ESYT2: variants seen among roughly 807,000 people sequenced by gnomAD.
ESYT2 encodes extended synaptotagmin 2.
Under a neutral mutation model 107.2 loss-of-function variants are expected in ESYT2, and 54 were observed. The ratio of observed to expected loss-of-function variants is 0.50; its 90% CI spans 0.40 to 0.63. ESYT2 has a LOEUF of 0.63. Ranked by LOEUF, ESYT2 falls within the 30% of genes least tolerant of loss-of-function variation. ESYT2 has a pLI of 0.00. For synonymous variants in ESYT2, 491 were observed against 434.1 expected (o/e 1.13, Z -1.63); for missense variants, 1,020 against 1,094.5 (o/e 0.93, Z 0.96).
At chr7:158,808,331 G>A (rs954889095) in intron 1 of ESYT2, among the ~76,000 whole-genome samples, 9 of 152,238 alleles carry the variant, frequency 5.9e-5, no homozygotes, top group South Asian at 2.1e-4. Context: ...CGTTCGCGCC[G>A]AGCATGCTCC....
At chr7:158,788,242 C>CA in intron 5 of ESYT2, 103 bp downstream of exon 5, 4 of 1,270,774 alleles carry the variant, frequency 3.1e-6, no homozygotes, top group South Asian at 1.4e-5. Flanking sequence ...AACTGAACGT[C>CA]AAAAAAATTC....
At chr7:158,770,399 A>G (rs1255472543) in intron 7 of ESYT2, among the ~76,000 whole-genome samples, 2 of 151,480 alleles carry the variant, frequency 1.3e-5, no homozygotes, top group African/African-American at 2.4e-5. Context: ...CTTAGAAAAG[A>G]TATTTTTACA....
At chr7:158,816,002 C>T (rs1050378323) in intron 1 of ESYT2, among the ~76,000 whole-genome samples, 5 of 152,138 alleles carry the variant, frequency 3.3e-5, no homozygotes, top group African/African-American at 1.2e-4. Context: ...TGGTCACGTC[C>T]TAATCCCTGG....
In ESYT2 at chr7:158,754,197, G is replaced by GT. The variant is rs869261238; in HGVS notation, c.1420-1355dup. 2.7e-5 allele frequency among the ~76,000 whole-genome samples: 4 copies of GT among 149,634 alleles called. No individual in the cohort carries two copies. The South Asian group carries it at 6.2e-4, about 23-fold the overall frequency. ...GGGAGCCACCTGTGTTTTTTGTTTT[G>GT]TTTTTATTTATTTATTATTTATATT... On this transcript the variant is annotated intron_variant, in intron 13 of 22. Coordinates refer to ENST00000275418, the MANE Select transcript of ESYT2 (RefSeq NM_001367773.1).
Position 158,788,047 on chromosome 7 carries a change from A to AT in ESYT2, c.703dup (p.Met235AsnfsTer13). On this transcript the variant is annotated frameshift_variant, in exon 6 of 23. Transcript: ENST00000275418. LOFTEE classifies it high-confidence loss of function. ...GATAGACAAAGCTCCAACTAAGGGC[A>AT]TATCTCCAATCAACGGTTCCAGGAT... 1 of 1,614,180 alleles carries AT rather than the reference A, an allele frequency of 6.2e-7. No individual in the cohort carries two copies.
intron 20 of ESYT2, 68 bp downstream of exon 20, chr7:158,736,980 C>T: frequency 1.3e-6 from 2 of 1,586,084 alleles, no homozygotes. Flanking sequence ...TCAAAGGCAC[C>T]ATTTAGGGCC....
Position 158,764,790 on chromosome 7 carries a change from C to T in ESYT2, c.988G>A (p.Gly330Arg). 6.2e-7 allele frequency: 1 copy of T among 1,614,096 alleles called. No individual in the cohort carries two copies. Among genetic ancestry groups the T allele is most frequent in the Non-Finnish European group, 8.5e-7 (1 of 1,180,014 alleles). The change falls in exon 9 of 23, where the codon GGA becomes AGA. Residue 330 changes from glycine to arginine, a missense_variant. Coordinates refer to ENST00000275418, the MANE Select transcript of ESYT2 (RefSeq NM_001367773.1). ...GGGTCTGACTTTCCCTTGACAAGTCCCTTAAGGTAAGTGTCTTTCCCCTGA... is the reference window on the plus strand; with the variant it reads ...GGGTCTGACTTTCCCTTGACAAGTCTCTTAAGGTAAGTGTCTTTCCCCTGA... ...DLQGKDTYLK[G>R]LVKGKSDPYG...
intron 1 of ESYT2, among the ~76,000 whole-genome samples, chr7:158,824,307 A>G (rs989587881): frequency 5.9e-5 from 9 of 152,246 alleles, no homozygotes; most frequent in Non-Finnish European, 1.2e-4. Context: ...GTGCTGAAGA[A>G]GCACTTGTTT....
chr7:158,792,800 GCT>G (rs1282357955), intron 4 of ESYT2, among the ~76,000 whole-genome samples: 1 of 124,676 alleles, frequency 8.0e-6, no homozygotes, highest in African/African-American at 3.1e-5. Context: ...ATGGAGTCTC[GCT>G]CTGTCCCCCA....
intron 1 of ESYT2, among the ~76,000 whole-genome samples, chr7:158,813,470 G>A (rs1257584432): frequency 6.6e-6 from 1 of 152,214 alleles, no homozygotes; most frequent in Non-Finnish European, 1.5e-5. Context: ...CATAGCAAAG[G>A]AAGTTGTAAG....
intron 6 of ESYT2, among the ~76,000 whole-genome samples, chr7:158,785,748 C>T (rs1323921359): frequency 1.3e-5 from 2 of 152,234 alleles, no homozygotes; most frequent in African/African-American, 2.4e-5. Context: ...ATCACTTAAC[C>T]ACAGCGCTGT....
In ESYT2 at chr7:158,771,586, A is replaced by C. The variant is rs557675985; in HGVS notation, c.803+1755T>G. ...CTTGTAGCTGCAGGCACAGCAAGAG[A>C]CTGCCTGAAAACAAGCCCACGAGGG... On this transcript the variant is annotated intron_variant, in intron 7 of 22. Coordinates refer to ENST00000275418, the MANE Select transcript of ESYT2 (RefSeq NM_001367773.1). Among the ~76,000 whole-genome samples, 12 of 152,284 alleles carry C rather than the reference A, an allele frequency of 7.9e-5. No individual in the cohort carries two copies. In the South Asian group the frequency reaches 2.5e-3, roughly 32 times the overall value.
intron 6 of ESYT2, among the ~76,000 whole-genome samples, chr7:158,782,804 G>A (rs989029995): frequency 3.3e-5 from 5 of 152,190 alleles, no homozygotes; most frequent in Non-Finnish European, 7.3e-5. Context: ...GAATGAAACC[G>A]TGTGAGAACA....
In ESYT2 at chr7:158,734,155, C is replaced by T; in HGVS notation, c.*52G>A. ...TGGTACGTCTGTGAGAGGGTGTGTT[C>T]CGGGTAGAGGTGGAGAGCTACGCTG... is the stretch of plus-strand genomic sequence containing the variant. On this transcript the variant is annotated 3_prime_UTR_variant, in exon 23 of 23. Coordinates refer to ENST00000275418, the MANE Select transcript of ESYT2 (RefSeq NM_001367773.1). The T allele has an allele frequency of 2.5e-6, 4 of 1,600,738 alleles. No homozygotes were observed. Among genetic ancestry groups the T allele is most frequent in the South Asian group, 1.1e-5 (1 of 90,640 alleles).
At chr7:158,779,307 G>T (rs1838687205) in intron 6 of ESYT2, among the ~76,000 whole-genome samples, 1 of 152,142 alleles carries the variant, frequency 6.6e-6, no homozygotes, top group Non-Finnish European at 1.5e-5. Context: ...GGAGTGTGAG[G>T]CTGTAGTAGT....
intron 3 of ESYT2, among the ~76,000 whole-genome samples, chr7:158,797,140 C>T (rs1335434354): frequency 6.6e-6 from 1 of 152,144 alleles, no homozygotes; most frequent in African/African-American, 2.4e-5. Context: ...TTCTTCAGAA[C>T]ATAATTTGAA....
Position 158,732,931 on chromosome 7 carries a change from C to G in ESYT2, c.*1276G>C, listed in dbSNP as rs767412195. On this transcript the variant is annotated 3_prime_UTR_variant, in exon 23 of 23. Transcript: ENST00000275418. ...ACACACACAGCCTACGACACTGCAA[C>G]AGAGCCTCACCTCACAGGAGGTCTG... 6.6e-6 allele frequency: 1 copy of G among 152,262 alleles called. No individual in the cohort carries two copies. The highest frequency in any genetic ancestry group is 2.4e-5 in the African/African-American group (1 of 41,464). 9.4% of individuals were successfully genotyped at this position (152,262 alleles called of 1,614,324 possible).
chr7:158,759,662 T>C (rs997738498), intron 12 of ESYT2, 81 bp from the exon 13 acceptor site: 1 of 1,175,382 alleles, frequency 8.5e-7, no homozygotes, highest in African/African-American at 1.5e-5. Context: ...ATCATGTTGA[T>C]TACGCTAAAA....
At chr7:158,804,264 C>T (rs1186162520) in intron 1 of ESYT2, among the ~76,000 whole-genome samples, 13 of 69,186 alleles carry the variant, frequency 1.9e-4, no homozygotes, top group Admixed American at 5.9e-4. Context: ...ACCCAAACCG[C>T]CGAGAAGGGT....
Sources: allele counts gnomAD v4.1 joint callset (sites outside exome capture counted in the v4.1 genomes callset), GRCh38; gene constraint gnomAD v4.1.1; transcripts MANE v1.5; gene names NCBI Gene and HGNC (gene_info 2026-07-23, HGNC 2026-07-21).